SLC8A1: variants seen among roughly 807,000 people sequenced by gnomAD.
SLC8A1 encodes solute carrier family 8 member A1.
In SLC8A1, 18 loss-of-function variants were observed where a neutral mutation model predicts 68.3. The ratio of observed to expected loss-of-function variants is 0.26; its 90% CI spans 0.18 to 0.39. The LOEUF (loss-of-function observed/expected upper bound fraction) is 0.39. Ranked by LOEUF, SLC8A1 falls within the 10% of genes least tolerant of loss-of-function variation. SLC8A1 has a pLI of 1.00. For missense variants in SLC8A1, 985 were observed against 1,156.7 expected, an observed-to-expected ratio of 0.85 and a Z score of 2.15; for synonymous variants, 475 against 415.5, an observed-to-expected ratio of 1.14 and a Z score of -1.74.
At chr2:40,335,561 CT>C (rs1559292169) in intron 2 of SLC8A1, among the ~76,000 whole-genome samples, 1 of 152,238 alleles carries the variant, frequency 6.6e-6, no homozygotes, top group African/African-American at 2.4e-5. Flanking sequence ...ATGAACATAG[CT>C]TCCTTTCCCT....
At chr2:40,466,360 A>T (rs1214940300) in intron 1 of SLC8A1, among the ~76,000 whole-genome samples, 3 of 152,228 alleles carry the variant, frequency 2.0e-5, no homozygotes, top group Admixed American at 6.5e-5. Flanking sequence ...TATACCCGTC[A>T]GGAAGCTGGG....
At chr2:40,262,542 T>C (rs2064850881) in intron 2 of SLC8A1, among the ~76,000 whole-genome samples, 1 of 152,180 alleles carries the variant, frequency 6.6e-6, no homozygotes. Context: ...GATCTATTGG[T>C]TTGTAAACCA....
At chr2:40,430,970 G>A (rs1442346433) in intron 1 of SLC8A1, among the ~76,000 whole-genome samples, 3 of 152,106 alleles carry the variant, frequency 2.0e-5, no homozygotes, top group Non-Finnish European at 2.9e-5. Flanking sequence ...TGTTCTTGAG[G>A]AGAAAAAAAT....
At chr2:40,335,231 T>G (rs1390025886) in intron 2 of SLC8A1, among the ~76,000 whole-genome samples, 1 of 152,238 alleles carries the variant, frequency 6.6e-6, no homozygotes, top group Non-Finnish European at 1.5e-5. Context: ...TTTAGAAATT[T>G]AAATAATGTA....
At chr2:40,234,425 C>T (rs958306397) in intron 2 of SLC8A1, among the ~76,000 whole-genome samples, 2 of 152,052 alleles carry the variant, frequency 1.3e-5, no homozygotes, top group African/African-American at 4.8e-5. Flanking sequence ...TGTAAGAATG[C>T]TTGTGATTTT....
At chr2:40,240,285 C>T (rs750839555) in intron 2 of SLC8A1, among the ~76,000 whole-genome samples, 1 of 152,142 alleles carries the variant, frequency 6.6e-6, no homozygotes, top group Non-Finnish European at 1.5e-5. Context: ...TCCGACGGAG[C>T]GGAGGACTCC....
intron 2 of SLC8A1, among the ~76,000 whole-genome samples, chr2:40,419,552 C>G (rs1269267450): frequency 2.0e-5 from 3 of 152,092 alleles, no homozygotes; most frequent in Non-Finnish European, 2.9e-5. Flanking sequence ...CTCCCTCCAT[C>G]TTTGCCCCTG....
At chr2:40,511,269 C>T (rs1706707830) in intron 1 of SLC8A1, among the ~76,000 whole-genome samples, 1 of 151,806 alleles carries the variant, frequency 6.6e-6, no homozygotes, top group African/African-American at 2.4e-5. Context: ...AGTTTAAATC[C>T]CATTATCTTG....
intron 2 of SLC8A1, among the ~76,000 whole-genome samples, chr2:40,283,690 T>A (rs2067843222): frequency 6.6e-6 from 1 of 152,194 alleles, no homozygotes. Flanking sequence ...GCTCTTTATC[T>A]CAGCTCACTG....
chr2:40,143,093 A>C (rs1489864695), intron 6 of SLC8A1, among the ~76,000 whole-genome samples: 1 of 152,100 alleles, frequency 6.6e-6, no homozygotes, highest in Non-Finnish European at 1.5e-5. Context: ...TTTGAAAGGA[A>C]AGTGGCCTCC....
chr2:40,498,856 A>G (rs2149933626), intron 1 of SLC8A1, among the ~76,000 whole-genome samples: 1 of 152,224 alleles, frequency 6.6e-6, no homozygotes, highest in African/African-American at 2.4e-5. Flanking sequence ...ATAGGGGTGG[A>G]TCTGAAGATC....
At chr2:40,450,842 T>C (rs999937658) in intron 1 of SLC8A1, among the ~76,000 whole-genome samples, 2 of 152,230 alleles carry the variant, frequency 1.3e-5, no homozygotes, top group Non-Finnish European at 2.9e-5. Context: ...CACATTGCTC[T>C]CTTCTAAAAA....
chr2:40,241,974 G>A (rs1190902646), intron 2 of SLC8A1, among the ~76,000 whole-genome samples: 1 of 152,092 alleles, frequency 6.6e-6, no homozygotes, highest in African/African-American at 2.4e-5. Context: ...AATCCAAGCA[G>A]TGTTCCACTC....
At chr2:40,180,361 T>C (rs774103516) in intron 2 of SLC8A1, among the ~76,000 whole-genome samples, 2 of 152,224 alleles carry the variant, frequency 1.3e-5, no homozygotes, top group Non-Finnish European at 2.9e-5. Context: ...ATTTGATAAT[T>C]AGAACTGAAT....
intron 2 of SLC8A1, among the ~76,000 whole-genome samples, chr2:40,194,642 T>C (rs1029968076): frequency 1.3e-5 from 2 of 152,094 alleles, no homozygotes; most frequent in African/African-American, 4.8e-5. Context: ...ATTGGAGGCA[T>C]TAATAAAATT....
chr2:40,370,956 A>C (rs1677832207), intron 2 of SLC8A1, among the ~76,000 whole-genome samples: 1 of 152,084 alleles, frequency 6.6e-6, no homozygotes, highest in Admixed American at 6.6e-5. Flanking sequence ...TGCTATTTGA[A>C]GGTACCCCTA....
intron 2 of SLC8A1, among the ~76,000 whole-genome samples, chr2:40,220,939 C>T (rs760034515): frequency 2.0e-5 from 3 of 151,966 alleles, no homozygotes; most frequent in Non-Finnish European, 2.9e-5. Flanking sequence ...CCAAATTCTG[C>T]CAGAGGTACA....
intron 2 of SLC8A1, among the ~76,000 whole-genome samples, chr2:40,279,816 T>C (rs1259041817): frequency 6.6e-6 from 1 of 152,214 alleles, no homozygotes; most frequent in Non-Finnish European, 1.5e-5. Context: ...GCCCCCAACA[T>C]GCACAGTTCA....
intron 2 of SLC8A1, among the ~76,000 whole-genome samples, chr2:40,362,949 C>T (rs1184801169): frequency 6.6e-6 from 1 of 152,070 alleles, no homozygotes; most frequent in Non-Finnish European, 1.5e-5. Flanking sequence ...GTTTATCTAG[C>T]CCCTTAGTTC....
Sources: gnomAD v4.1 joint callset for allele counts (sites outside exome capture counted in the v4.1 genomes callset) on GRCh38, gnomAD v4.1.1 for gene constraint, MANE v1.5 for transcripts, NCBI Gene and HGNC (gene_info 2026-07-23, HGNC 2026-07-21) for gene names.